SNX13: variants seen among roughly 807,000 people sequenced by gnomAD.
The protein encoded by SNX13 is sorting nexin 13.
In SNX13, 45 loss-of-function variants were observed where a neutral mutation model predicts 133.6. The ratio of observed to expected loss-of-function variants is 0.34; its 90% confidence interval spans 0.27 to 0.43. SNX13 has a LOEUF of 0.43. Among genes scored for constraint, SNX13 ranks in the 20% least tolerant of loss-of-function variants. The probability of loss-of-function intolerance (pLI) is 1.00; values close to 1 mark genes in which losing one functional copy is unlikely to be tolerated. For synonymous variants in SNX13, 414 were observed against 373.9 expected (o/e 1.11, Z -1.24); for missense variants, 1,032 against 1,145.1 (o/e 0.90, Z 1.43).
chr7:17,884,466 G>C (rs1171755544), intron 5 of SNX13, among the ~76,000 whole-genome samples: 6 of 152,086 alleles, frequency 3.9e-5, no homozygotes, highest in Admixed American at 2.0e-4. Context: ...GAAAACATAA[G>C]AATTGTTTTT....
intron 15 of SNX13, chr7:17,832,176 A>T: frequency 1.0e-6 from 1 of 984,300 alleles, no homozygotes; most frequent in Non-Finnish European, 1.2e-6. Flanking sequence ...ACCAGTTCCA[A>T]AAAAAAATTT....
chr7:17,886,053 T>C (rs1795950546), intron 5 of SNX13, among the ~76,000 whole-genome samples: 1 of 152,198 alleles, frequency 6.6e-6, no homozygotes, highest in Admixed American at 6.5e-5. Flanking sequence ...TATTTGAGTT[T>C]TGTTTGCCTT....
chr7:17,831,364 G>T, intron 15 of SNX13: 1 of 840,508 alleles, frequency 1.2e-6, no homozygotes, highest in Non-Finnish European at 1.4e-6. Flanking sequence ...CTATGAGACT[G>T]TTTTAATAAA....
At chr7:17,914,239 T>C (rs1023795504) in intron 1 of SNX13, among the ~76,000 whole-genome samples, 25 of 151,162 alleles carry the variant, frequency 1.7e-4, no homozygotes, top group East Asian at 1.9e-4. Flanking sequence ...TACAGGATTA[T>C]GTAATGCAAT....
intron 1 of SNX13, chr7:17,900,000 T>C (rs1419664416): frequency 6.6e-6 from 1 of 152,240 alleles, no homozygotes; most frequent in Non-Finnish European, 1.5e-5. Flanking sequence ...TCTATGTTTC[T>C]AGTAACTGTA....
At chr7:17,796,762 A>G (rs1038262074) in intron 25 of SNX13, 65 bp downstream of exon 25, 5 of 1,179,574 alleles carry the variant, frequency 4.2e-6, no homozygotes, top group South Asian at 1.2e-5. Flanking sequence ...CACTGGCATG[A>G]TGAATGCTAA....
At chr7:17,809,994 G>A (rs1429826043) in intron 20 of SNX13, among the ~76,000 whole-genome samples, 1 of 152,044 alleles carries the variant, frequency 6.6e-6, no homozygotes, top group Non-Finnish European at 1.5e-5. Context: ...ATTTATAGCA[G>A]TAAATGCCCC....
At chr7:17,878,779 TCAC>T (rs903205061) in intron 5 of SNX13, among the ~76,000 whole-genome samples, 5 of 152,212 alleles carry the variant, frequency 3.3e-5, no homozygotes, top group Admixed American at 1.3e-4. Flanking sequence ...TATTTCCTCA[TCAC>T]CATCTATTTC....
chr7:17,850,724 A>C (rs1476964164), intron 10 of SNX13, 102 bp downstream of exon 10: 3 of 954,518 alleles, frequency 3.1e-6, no homozygotes. Flanking sequence ...ATTAAGGTGA[A>C]AACATTAATA....
intron 3 of SNX13, 23 bp downstream of exon 3, chr7:17,893,309 T>C (rs11971764): frequency 0.11 from 166,797 of 1,471,880 alleles, 10,460 homozygotes; most frequent in African/African-American, 0.17. Flanking sequence ...CTTTGAGGTT[T>C]TATATTCCCT....
chr7:17,909,764 C>A (rs545866790), intron 1 of SNX13, among the ~76,000 whole-genome samples: 3 of 152,166 alleles, frequency 2.0e-5, no homozygotes, highest in Non-Finnish European at 4.4e-5. Context: ...CTAATGGTTG[C>A]TGGGCTTAAT....
At chr7:17,815,742 G>C (rs1786581628) in intron 19 of SNX13, among the ~76,000 whole-genome samples, 1 of 152,190 alleles carries the variant, frequency 6.6e-6, no homozygotes, top group Admixed American at 6.5e-5. Flanking sequence ...AATGGAACAA[G>C]TTTTGACATA....
intron 12 of SNX13, among the ~76,000 whole-genome samples, chr7:17,841,627 CCATT>C (rs1025128537): frequency 6.7e-6 from 1 of 149,334 alleles, no homozygotes; most frequent in African/African-American, 2.5e-5. Flanking sequence ...CAAGTGTGGC[CCATT>C]CAAAGAGGAA....
intron 15 of SNX13, chr7:17,832,477 A>T (rs1788609515): frequency 1.0e-6 from 1 of 983,716 alleles, no homozygotes; most frequent in Non-Finnish European, 1.2e-6. Flanking sequence ...CACCTAGCAA[A>T]TCCACTTCAC....
At chr7:17,936,940 A>C (rs1802112131) in intron 1 of SNX13, among the ~76,000 whole-genome samples, 3 of 151,418 alleles carry the variant, frequency 2.0e-5, no homozygotes. Flanking sequence ...AGCAGGAGTC[A>C]CATTAGAAGC....
chr7:17,816,028 A>G (rs1209550151), intron 19 of SNX13, among the ~76,000 whole-genome samples, 154 bp downstream of exon 19: 1 of 152,206 alleles, frequency 6.6e-6, no homozygotes, highest in African/African-American at 2.4e-5. Flanking sequence ...ATTACTAAGC[A>G]GACTGCACGT....
chr7:17,837,212 T>C (rs1489422400), intron 13 of SNX13, among the ~76,000 whole-genome samples: 1 of 152,060 alleles, frequency 6.6e-6, no homozygotes. Flanking sequence ...CACGGTTCAC[T>C]GCAGCCTTGA....
At chr7:17,831,847 C>T (rs969465116) in intron 15 of SNX13, 1 of 983,698 alleles carries the variant, frequency 1.0e-6, no homozygotes, top group South Asian at 4.7e-5. Flanking sequence ...ATATCAGAAG[C>T]ATTACTAGTT....
chr7:17,937,338 G>A (rs1378755121), intron 1 of SNX13, among the ~76,000 whole-genome samples: 2 of 151,686 alleles, frequency 1.3e-5, no homozygotes, highest in Non-Finnish European at 2.9e-5. Context: ...TCTCATTTCT[G>A]AAAAGGTTTC....
Sources: gnomAD v4.1 joint callset for allele counts (sites outside exome capture counted in the v4.1 genomes callset) on GRCh38, gnomAD v4.1.1 for gene constraint, MANE v1.5 for transcripts, NCBI Gene and HGNC (gene_info 2026-07-23, HGNC 2026-07-21) for gene names.